Variants in SLC24A3 observed in about 807,000 individuals in gnomAD.
SLC24A3 encodes the protein sodium/potassium/calcium exchanger 3.
SLC24A3 carries 28 observed loss-of-function variants against 75.8 expected under a neutral mutation model. The observed-to-expected ratio is 0.37, with a 90% confidence interval of 0.27 to 0.51. The LOEUF (loss-of-function observed/expected upper bound fraction) is 0.51. SLC24A3 is among the 20% of genes least tolerant of loss of function. The pLI, the probability that SLC24A3 is intolerant of heterozygous loss-of-function variation, is 0.94. For synonymous variants in SLC24A3, 372 were observed against 334.1 expected (o/e 1.11, Z -1.24); for missense variants, 663 against 847.8 (o/e 0.78, Z 2.71).
intron 2 of SLC24A3, among the ~76,000 whole-genome samples, chr20:19,341,892 T>C (rs1448153219): frequency 6.6e-6 from 1 of 152,202 alleles, no homozygotes; most frequent in East Asian, 1.9e-4. Context: ...CTTGTCATTG[T>C]CTCTGTGTGT....
intron 2 of SLC24A3, among the ~76,000 whole-genome samples, chr20:19,308,634 T>C (rs1040839403): frequency 5.3e-5 from 8 of 152,222 alleles, no homozygotes; most frequent in Admixed American, 4.6e-4. Flanking sequence ...TATTGAGCGA[T>C]TTTTTATTAA....
chr20:19,600,190 G>A (rs1183998691), intron 6 of SLC24A3, among the ~76,000 whole-genome samples: 2 of 152,008 alleles, frequency 1.3e-5, no homozygotes, highest in Admixed American at 1.3e-4. Flanking sequence ...GCCTCCCCTC[G>A]GCCCCAGCTC....
intron 12 of SLC24A3, among the ~76,000 whole-genome samples, chr20:19,689,958 G>A (rs563170449): frequency 1.4e-5 from 2 of 138,096 alleles, no homozygotes; most frequent in Non-Finnish European, 3.0e-5. Context: ...TTGAACCTGG[G>A]AGGCAAAGGT....
chr20:19,430,317 A>C (rs1025379021), intron 2 of SLC24A3, among the ~76,000 whole-genome samples: 3 of 152,018 alleles, frequency 2.0e-5, no homozygotes, highest in African/African-American at 7.3e-5. Flanking sequence ...TAATCAAAAC[A>C]GAGTTTTCCC....
At chr20:19,322,436 G>A (rs576358205) in intron 2 of SLC24A3, among the ~76,000 whole-genome samples, 53 of 112,992 alleles carry the variant, frequency 4.7e-4, no homozygotes, top group African/African-American at 1.6e-3. Flanking sequence ...CCTTACATCC[G>A]TTTTTAATCC....
chr20:19,574,656 G>A (rs1027176370), intron 3 of SLC24A3, among the ~76,000 whole-genome samples: 1 of 152,206 alleles, frequency 6.6e-6, no homozygotes, highest in South Asian at 2.1e-4. Flanking sequence ...CATCATTATT[G>A]TTGCCACAAC....
intron 13 of SLC24A3, 134 bp downstream of exon 13, chr20:19,693,559 A>C: frequency 1.7e-6 from 2 of 1,161,192 alleles, no homozygotes; most frequent in Non-Finnish European, 2.3e-6. Context: ...AACCACTCCT[A>C]AACTTAGTAG....
chr20:19,305,904 C>T (rs963553012), intron 2 of SLC24A3, among the ~76,000 whole-genome samples: 3 of 152,312 alleles, frequency 2.0e-5, no homozygotes, highest in East Asian at 1.9e-4. Flanking sequence ...TAAAGAGCTT[C>T]TGCATAGCAA....
rs115739731 is a variant in SLC24A3 at position 19,591,001 on chromosome 20, C to T, written c.612+5457C>T. On this transcript the variant is annotated intron_variant, in intron 6 of 16. Coordinates refer to ENST00000328041, the MANE Select transcript of SLC24A3 (RefSeq NM_020689.4). The stretch of plus-strand genomic sequence containing the variant: ...CATCTGCCTGAGGCTGTCTCTTGCA[C>T]TGTCCCCTCATAGTTTCTTTTCTCT... 5.0e-3 allele frequency among the ~76,000 whole-genome samples: 760 copies of T among 152,310 alleles called. 4 individuals carry two copies. Among genetic ancestry groups the T allele is most frequent in the African/African-American group, 0.017 (723 of 41,564 alleles).
intron 15 of SLC24A3, among the ~76,000 whole-genome samples, chr20:19,699,914 G>A (rs1418334976): frequency 1.3e-5 from 2 of 152,188 alleles, no homozygotes; most frequent in Non-Finnish European, 2.9e-5. Context: ...ATAGATACCA[G>A]GTAGACATTA....
At chr20:19,417,576 A>C (rs547045278) in intron 2 of SLC24A3, among the ~76,000 whole-genome samples, 1 of 152,346 alleles carries the variant, frequency 6.6e-6, no homozygotes, top group Admixed American at 6.5e-5. Context: ...AAAGCTTCAG[A>C]AATCAGGGTG....
At chr20:19,301,125 C>T (rs1045442988) in intron 2 of SLC24A3, among the ~76,000 whole-genome samples, 1 of 152,186 alleles carries the variant, frequency 6.6e-6, no homozygotes, top group Non-Finnish European at 1.5e-5. Context: ...TCCCTCTATG[C>T]CCAATCACAG....
chr20:19,376,091 G>A (rs1020796622), intron 2 of SLC24A3, among the ~76,000 whole-genome samples: 21 of 152,196 alleles, frequency 1.4e-4, no homozygotes, highest in African/African-American at 5.1e-4. Context: ...GTGCAACTGT[G>A]TGAGTGTGTG....
chr20:19,626,847 T>G (rs893595434), intron 6 of SLC24A3, among the ~76,000 whole-genome samples: 2 of 152,224 alleles, frequency 1.3e-5, no homozygotes, highest in Non-Finnish European at 2.9e-5. Context: ...ATATACCTAT[T>G]TGATCATTCC....
At chr20:19,336,321 C>T (rs6106058) in intron 2 of SLC24A3, among the ~76,000 whole-genome samples, 2 of 152,176 alleles carry the variant, frequency 1.3e-5, no homozygotes, top group Non-Finnish European at 2.9e-5. Flanking sequence ...ACTGTTTGAC[C>T]TGCCAAGCCT....
chr20:19,323,926 G>A (rs1171257817), intron 2 of SLC24A3, among the ~76,000 whole-genome samples: 1 of 152,148 alleles, frequency 6.6e-6, no homozygotes, highest in Admixed American at 6.5e-5. Context: ...TTTCAAAAAA[G>A]TCTGCTAAAT....
At chr20:19,402,873 A>C (rs948381648) in intron 2 of SLC24A3, among the ~76,000 whole-genome samples, 8 of 152,250 alleles carry the variant, frequency 5.3e-5, no homozygotes, top group African/African-American at 1.9e-4. Flanking sequence ...ATGGGTGGGC[A>C]TGGTCTGCCC....
chr20:19,220,683 A>AT (rs1981684201), intron 1 of SLC24A3, among the ~76,000 whole-genome samples: 2 of 152,256 alleles, frequency 1.3e-5, no homozygotes, highest in South Asian at 4.1e-4. Flanking sequence ...GAGGGTAAAC[A>AT]TTACATCTAT....
chr20:19,663,232 C>G (rs974011609), intron 7 of SLC24A3, among the ~76,000 whole-genome samples: 1 of 151,758 alleles, frequency 6.6e-6, no homozygotes, highest in East Asian at 2.0e-4. Context: ...TGTGCCAAGC[C>G]AATTTAGATT....
Sources: gnomAD v4.1 joint callset for allele counts (sites outside exome capture counted in the v4.1 genomes callset) on GRCh38, gnomAD v4.1.1 for gene constraint, MANE v1.5 for transcripts, NCBI Gene and HGNC (gene_info 2026-07-23, HGNC 2026-07-21) for gene names.